ASTN1: variants seen among roughly 807,000 people sequenced by gnomAD.
The protein encoded by ASTN1 is astrotactin 1.
A neutral mutation model predicts 140.7 loss-of-function variants in ASTN1; 41 were observed. The ratio of observed to expected loss-of-function variants is 0.29; its 90% CI spans 0.23 to 0.38. The LOEUF (loss-of-function observed/expected upper bound fraction) is 0.38, where lower values mean the gene tolerates loss of function less well. ASTN1 is among the 10% of genes least tolerant of loss of function. ASTN1 has a pLI of 1.00. For synonymous variants in ASTN1, 640 were observed against 652.2 expected (o/e 0.98, Z 0.29); for missense variants, 1,479 against 1,678.8 (o/e 0.88, Z 2.08).
At position 177,099,679 on chromosome 1, in the gene ASTN1, T is replaced by C. The variant is rs375378584; in HGVS notation, c.284-38414A>G. Among the ~76,000 whole-genome samples the C allele has an allele frequency of 2.2e-4, 33 of 152,310 alleles. No homozygotes were observed. In the South Asian group the frequency reaches 6.8e-3, roughly 32 times the overall value. On this transcript the variant is annotated intron_variant, in intron 1 of 22. Coordinates refer to ENST00000361833, the MANE Select transcript of ASTN1 (RefSeq NM_004319.3). ...GATATTCCCCTCCTGTGCTCCACTTTCTTTGCTAAAAAGAGAGAGCAAGCC... is the reference window on the plus strand; with the variant it reads ...GATATTCCCCTCCTGTGCTCCACTTCCTTTGCTAAAAAGAGAGAGCAAGCC...
At chr1:177,062,708 G>C (rs977880535) in intron 1 of ASTN1, among the ~76,000 whole-genome samples, 2 of 152,156 alleles carry the variant, frequency 1.3e-5, no homozygotes, top group African/African-American at 4.8e-5. Context: ...ACAATTTTAA[G>C]TATTTATGGA....
chr1:177,116,719 C>T (rs1681108788), intron 1 of ASTN1, among the ~76,000 whole-genome samples: 1 of 152,170 alleles, frequency 6.6e-6, no homozygotes, highest in Admixed American at 6.5e-5. Context: ...CAGCCTTCAC[C>T]TCAACTATAC....
At chr1:177,131,886 G>A (rs774625615) in intron 1 of ASTN1, among the ~76,000 whole-genome samples, 9 of 152,154 alleles carry the variant, frequency 5.9e-5, no homozygotes. Flanking sequence ...GGGGAAGCAC[G>A]AGGCTCTTTT....
At chr1:177,076,425 G>A (rs1013289810) in intron 1 of ASTN1, among the ~76,000 whole-genome samples, 3 of 152,006 alleles carry the variant, frequency 2.0e-5, no homozygotes, top group African/African-American at 7.2e-5. Context: ...GAAGGGGGAA[G>A]TGCATCCTTG....
At chr1:177,087,138 C>A (rs1361446779) in intron 1 of ASTN1, among the ~76,000 whole-genome samples, 3 of 152,146 alleles carry the variant, frequency 2.0e-5, no homozygotes, top group African/African-American at 7.2e-5. Context: ...TTCCTCCTGG[C>A]AGCTGAAGCA....
At chr1:177,100,127 A>G (rs1412771167) in intron 1 of ASTN1, among the ~76,000 whole-genome samples, 1 of 152,148 alleles carries the variant, frequency 6.6e-6, no homozygotes, top group East Asian at 1.9e-4. Flanking sequence ...ACCACACTCT[A>G]CTATAAACCC....
At chr1:177,121,456 C>T (rs751259352) in intron 1 of ASTN1, among the ~76,000 whole-genome samples, 33 of 151,954 alleles carry the variant, frequency 2.2e-4, no homozygotes, top group Non-Finnish European at 3.7e-4. Context: ...TCCTTGAGGG[C>T]TATATGATGG....
chr1:176,996,308 C>CAGAGAG (rs1488531468), intron 8 of ASTN1, among the ~76,000 whole-genome samples: 28 of 120,376 alleles, frequency 2.3e-4, no homozygotes, highest in Admixed American at 7.3e-4. Flanking sequence ...CACACACACA[C>CAGAGAG]ACAGAGAGAG....
At chr1:176,952,622 G>A (rs1305753291) in intron 11 of ASTN1, among the ~76,000 whole-genome samples, 1 of 152,082 alleles carries the variant, frequency 6.6e-6, no homozygotes, top group Non-Finnish European at 1.5e-5. Context: ...TTCTGCTGTT[G>A]CATCCACATT....
intron 16 of ASTN1, among the ~76,000 whole-genome samples, chr1:176,905,750 T>C (rs1452698887): frequency 6.6e-6 from 1 of 152,146 alleles, no homozygotes; most frequent in African/African-American, 2.4e-5. Flanking sequence ...CAGGCTCTTT[T>C]CACCTCTCGG....
intron 7 of ASTN1, among the ~76,000 whole-genome samples, chr1:177,020,585 T>G (rs1336102722): frequency 6.6e-6 from 1 of 152,204 alleles, no homozygotes; most frequent in Admixed American, 6.5e-5. Context: ...AATCTCCCTG[T>G]TTTAAAGCCA....
intron 2 of ASTN1, among the ~76,000 whole-genome samples, chr1:177,040,979 CCCAAAGAAAA>C (rs1220362861): frequency 6.6e-6 from 1 of 152,100 alleles, no homozygotes; most frequent in African/African-American, 2.4e-5. Context: ...ACTCTGTCAT[CCCAAAGAAAA>C]GCAAAGGAGT....
chr1:177,153,488 T>C (rs1486117162), intron 1 of ASTN1, among the ~76,000 whole-genome samples: 1 of 152,138 alleles, frequency 6.6e-6, no homozygotes, highest in Non-Finnish European at 1.5e-5. Context: ...GTGCTTCATA[T>C]AGCATACTTG....
chr1:176,965,100 T>C, intron 9 of ASTN1, 63 bp downstream of exon 9: 2 of 1,499,304 alleles, frequency 1.3e-6, no homozygotes, highest in Admixed American at 3.4e-5. Flanking sequence ...GAAAGTCAGT[T>C]CGGGGGAAGC....
intron 16 of ASTN1, among the ~76,000 whole-genome samples, chr1:176,896,226 A>T (rs541720608): frequency 7.9e-5 from 12 of 152,332 alleles, no homozygotes; most frequent in African/African-American, 2.6e-4. Flanking sequence ...ACGTTAAGGC[A>T]AAGGACTCTA....
At chr1:177,006,877 C>T (rs574280034) in intron 8 of ASTN1, among the ~76,000 whole-genome samples, 2 of 152,080 alleles carry the variant, frequency 1.3e-5, no homozygotes, top group Non-Finnish European at 2.9e-5. Context: ...CTTGGGAAAG[C>T]GGGATGCAGA....
chr1:177,032,453 C>G lies in ASTN1; in HGVS notation c.865+3G>C. On this transcript the variant is annotated splice_donor_region_variant and intron_variant, in intron 3 of 22. Coordinates refer to ENST00000361833, the MANE Select transcript of ASTN1 (RefSeq NM_004319.3). Reference sequence around the variant, plus strand: ...CAGCCCCTTGCCTTTCTCCCATCCCCACCTGGTGTGAGGTCCATCCCCGAC... The same window carrying G: ...CAGCCCCTTGCCTTTCTCCCATCCCGACCTGGTGTGAGGTCCATCCCCGAC... 6.2e-7 allele frequency: 1 copy of G among 1,612,316 alleles called. No homozygotes were observed. Among genetic ancestry groups the G allele is most frequent in the Non-Finnish European group, 8.5e-7 (1 of 1,178,958 alleles).
intron 1 of ASTN1, among the ~76,000 whole-genome samples, chr1:177,121,346 C>T (rs968256198): frequency 2.0e-5 from 3 of 151,970 alleles, no homozygotes; most frequent in African/African-American, 7.3e-5. Context: ...CAAAATGGAA[C>T]GAGGGGCCCT....
intron 22 of ASTN1, among the ~76,000 whole-genome samples, chr1:176,866,721 G>A (rs1490520447): frequency 6.6e-6 from 1 of 152,072 alleles, no homozygotes; most frequent in Non-Finnish European, 1.5e-5. Context: ...CTAATTAGTG[G>A]TGCAACCAAT....
Sources: gnomAD v4.1 joint callset for allele counts (sites outside exome capture counted in the v4.1 genomes callset) on GRCh38, gnomAD v4.1.1 for gene constraint, MANE v1.5 for transcripts, NCBI Gene and HGNC (gene_info 2026-07-23, HGNC 2026-07-21) for gene names.